Variants in WDFY3 observed in about 807,000 individuals in gnomAD.
The protein encoded by WDFY3 is WD repeat and FYVE domain containing 3.
In WDFY3, 66 loss-of-function variants were observed where a neutral mutation model predicts 409.6. That is an observed-to-expected ratio of 0.16 (90% confidence interval 0.13 to 0.20). The LOEUF (loss-of-function observed/expected upper bound fraction) is 0.20, where lower values mean the gene tolerates loss of function less well. Among genes scored for constraint, WDFY3 ranks in the 10% least tolerant of loss-of-function variants. The pLI, the probability that WDFY3 is intolerant of heterozygous loss-of-function variation, is 1.00. For missense variants in WDFY3, 3,031 were observed against 4,298.1 expected, an observed-to-expected ratio of 0.71 and a Z score of 8.24; for synonymous variants, 1,521 against 1,537.1, an observed-to-expected ratio of 0.99 and a Z score of 0.25.
chr4:84,872,380 G>A (rs1037953815), intron 3 of WDFY3, among the ~76,000 whole-genome samples: 3 of 151,438 alleles, frequency 2.0e-5, no homozygotes, highest in Non-Finnish European at 4.4e-5. Flanking sequence ...CAGGAGAATC[G>A]CTTGAACCCT....
intron 10 of WDFY3, among the ~76,000 whole-genome samples, chr4:84,823,229 C>A (rs1754350274): frequency 6.6e-6 from 1 of 152,056 alleles, no homozygotes; most frequent in Admixed American, 6.6e-5. Flanking sequence ...AGGGTCTTGG[C>A]ACATTCAGAT....
At chr4:84,791,919 G>A (rs1473456) in intron 21 of WDFY3, among the ~76,000 whole-genome samples, 26,573 of 151,944 alleles carry the variant, frequency 0.17, 4,035 homozygotes, top group African/African-American at 0.41. Context: ...TTGTTAAGCT[G>A]AACAAAAATT....
intron 34 of WDFY3, among the ~76,000 whole-genome samples, chr4:84,754,652 TC>T (rs1213458338): frequency 2.0e-5 from 3 of 152,164 alleles, no homozygotes; most frequent in African/African-American, 7.2e-5. Flanking sequence ...ATCAGTTCTG[TC>T]TTTTACTCTT....
chr4:84,786,040 A>G lies in WDFY3; in HGVS notation c.4001T>C (p.Leu1334Pro), dbSNP rs1747491298. The G allele has an allele frequency of 1.1e-5, 17 of 1,613,974 alleles. No individual in the cohort carries two copies. In the East Asian group the frequency reaches 3.3e-4, roughly 32 times the overall value. ...FGLYALSVSS[L>P]TVARIRKVYN... The stretch of plus-strand genomic sequence containing the variant: ...CACTTTCCGGATTCTTGCCACTGTT[A>G]GAGACGACACAGAGAGTGCATAGAG... The change falls in exon 24 of 68, where the codon CTA becomes CCA. Residue 1334 changes from leucine (L) to proline (P), a missense_variant. Physicochemically the swap from Leu to Pro is moderately conservative, Grantham distance 98. Coordinates refer to ENST00000295888, the MANE Select transcript of WDFY3 (RefSeq NM_014991.6).
At chr4:84,725,814 G>A (rs1355513784) in intron 45 of WDFY3, among the ~76,000 whole-genome samples, 2 of 152,048 alleles carry the variant, frequency 1.3e-5, no homozygotes, top group African/African-American at 4.8e-5. Flanking sequence ...TCCTTTGGGT[G>A]AGACATGTAG....
chr4:84,845,064 A>C (rs572527506), intron 5 of WDFY3, among the ~76,000 whole-genome samples: 1 of 152,190 alleles, frequency 6.6e-6, no homozygotes, highest in African/African-American at 2.4e-5. Context: ...ACTGCACATA[A>C]GCTTGTTTCC....
chr4:84,713,987 C>T (rs1410743010), intron 50 of WDFY3, among the ~76,000 whole-genome samples: 2 of 151,928 alleles, frequency 1.3e-5, no homozygotes, highest in African/African-American at 4.8e-5. Context: ...TGTGGTGGTG[C>T]ACCTTGATAT....
chr4:84,892,033 T>C (rs1456963062), intron 3 of WDFY3, among the ~76,000 whole-genome samples: 1 of 151,922 alleles, frequency 6.6e-6, no homozygotes, highest in Admixed American at 6.6e-5. Flanking sequence ...ATTTTTTTTT[T>C]TTTTTTTTGC....
chr4:84,916,902 A>C (rs755740730), intron 2 of WDFY3, among the ~76,000 whole-genome samples: 1 of 152,168 alleles, frequency 6.6e-6, no homozygotes, highest in East Asian at 1.9e-4. Context: ...TTTAGACTCA[A>C]TGATAAAAGA....
Position 84,796,723 on chromosome 4 carries a change from C to A in WDFY3, c.2965G>T (p.Gly989Cys), listed in dbSNP as rs1479837932. Reference sequence around the variant, plus strand: ...TGTAAGCTAAAAACATTATCAGTACCCAGACCTTCCAGAGATGTGATCATA... The same window carrying A: ...TGTAAGCTAAAAACATTATCAGTACACAGACCTTCCAGAGATGTGATCATA... ...SSMITSLEGL[G>C]TDNVFSLHED... Residue 989 changes from glycine to cysteine, a missense_variant, in exon 19 of 68, where the codon GGT (glycine) becomes TGT (cysteine). Around this residue, in one of 16 missense-constraint regions of WDFY3, gnomAD observed 1,322 missense variants for 1,697.9 expected, o/e 0.78. Coordinates refer to ENST00000295888, the MANE Select transcript of WDFY3 (RefSeq NM_014991.6). 6.2e-7 allele frequency: 1 copy of A among 1,613,670 alleles called. No homozygotes were observed. The highest frequency in any genetic ancestry group is 2.2e-5 in the East Asian group (1 of 44,842).
Position 84,751,485 on chromosome 4 carries a change from C to T in WDFY3, c.5971G>A (p.Glu1991Lys). The change falls in exon 36 of 68, where the codon GAG becomes AAG. Residue 1991 changes from glutamate to lysine, a missense_variant and splice_region_variant. Around this residue, in one of 16 missense-constraint regions of WDFY3, gnomAD observed 314 missense variants for 397.4 expected, o/e 0.79. Transcript: ENST00000295888. ...TAAATGCGTTTCTTTTTCTTTACCT[C>T]CAACAAAAGATCAATTAGTGGAGTT... ...KQTPLIDLLL[E>K]ASPERSTRTQ... 6.2e-7 allele frequency: 1 copy of T among 1,613,994 alleles called. No homozygotes were observed. Among genetic ancestry groups the T allele is most frequent in the Non-Finnish European group, 8.5e-7 (1 of 1,179,872 alleles).
chr4:84,711,741 C>T (rs759941466), intron 51 of WDFY3, among the ~76,000 whole-genome samples: 4 of 151,784 alleles, frequency 2.6e-5, no homozygotes, highest in Non-Finnish European at 5.9e-5. Context: ...GTCCCAGCTA[C>T]TCGGGAGGCT....
In WDFY3 at chr4:84,765,869, C is replaced by T; in HGVS notation, c.5129G>A (p.Gly1710Asp). The T allele has an allele frequency of 6.2e-7, 1 of 1,613,914 alleles. No homozygotes were observed. Among genetic ancestry groups the T allele is most frequent in the Non-Finnish European group, 8.5e-7 (1 of 1,179,944 alleles). ...ILIKFKEGLSGGGWLEQTDSV... is the reference protein window; with the variant it reads ...ILIKFKEGLSDGGWLEQTDSV... ...ATCTGTCTGTTCAAGCCATCCTCCA[C>T]CACTGAGTCCTTCTTTAAACTTGAT... Residue 1710 changes from glycine to aspartate, a missense_variant, in exon 32 of 68, where the codon GGT (glycine) becomes GAT (aspartate). Gly to Asp is a moderately conservative substitution (Grantham distance 94, BLOSUM62 -1). Transcript: ENST00000295888.
intron 47 of WDFY3, among the ~76,000 whole-genome samples, chr4:84,719,786 A>G (rs1183046647): frequency 1.3e-5 from 2 of 152,180 alleles, no homozygotes; most frequent in Non-Finnish European, 2.9e-5. Context: ...ATCCAGACCA[A>G]GAAACAGAAT....
At chr4:84,701,631 T>A (rs1031252146) in intron 56 of WDFY3, among the ~76,000 whole-genome samples, 1 of 152,200 alleles carries the variant, frequency 6.6e-6, no homozygotes, top group Non-Finnish European at 1.5e-5. Context: ...GAAGCATAGA[T>A]CAGCAAACTG....
At chr4:84,725,228 A>G (rs182949045) in intron 45 of WDFY3, among the ~76,000 whole-genome samples, 1 of 152,204 alleles carries the variant, frequency 6.6e-6, no homozygotes, top group African/African-American at 2.4e-5. Context: ...GCAAGCTGCT[A>G]TCTCCAATTT....
At position 84,708,784 on chromosome 4, in the gene WDFY3, G is replaced by A. The variant is rs79278666; in HGVS notation, c.8217+125C>T. On this transcript the variant is annotated intron_variant, in intron 53 of 67. Coordinates refer to ENST00000295888, the MANE Select transcript of WDFY3 (RefSeq NM_014991.6). ...TCAAAATCCTGGGCTCAAGTGATTCGCCTCTCTTAGCCTCCCAAAGTGCTA... is the reference window on the plus strand; with the variant it reads ...TCAAAATCCTGGGCTCAAGTGATTCACCTCTCTTAGCCTCCCAAAGTGCTA... 1,248 of 991,870 alleles carry A rather than the reference G, an allele frequency of 1.3e-3. 11 individuals carry two copies. In the East Asian group the frequency reaches 0.024, roughly 19 times the overall value. The allele number at this position is 991,870 out of a possible 1,614,324, so 61.4% of individuals were successfully genotyped here. A position where few individuals can be genotyped will look rare whatever the true frequency, so the allele number is the denominator to read the frequency against.
At chr4:84,947,514 A>AAATAAT (rs200130662) in intron 1 of WDFY3, among the ~76,000 whole-genome samples, 2,163 of 140,514 alleles carry the variant, frequency 0.015, 30 homozygotes, top group Non-Finnish European at 0.024. Flanking sequence ...TCCGTCTCAA[A>AAATAAT]AATAATAATA....
At chr4:84,875,932 G>A (rs950308708) in intron 3 of WDFY3, among the ~76,000 whole-genome samples, 2 of 152,176 alleles carry the variant, frequency 1.3e-5, no homozygotes, top group African/African-American at 4.8e-5. Flanking sequence ...CTGTCTTACA[G>A]TTAGTTTTCT....
Sources: allele counts gnomAD v4.1 joint callset (sites outside exome capture counted in the v4.1 genomes callset), GRCh38; gene constraint gnomAD v4.1.1; regional missense constraint gnomAD v4.1.1; transcripts MANE v1.5; gene names NCBI Gene and HGNC (gene_info 2026-07-23, HGNC 2026-07-21).